The following OPA3 variants were observed in gnomAD, a reference collection of about 807,000 sequenced individuals.
The protein encoded by OPA3 is optic atrophy 3 protein.
OPA3 carries 6 observed loss-of-function variants against 4.0 expected under a neutral mutation model. That is an observed-to-expected ratio of 1.51 (90% CI 0.83 to 2.99). The LOEUF (loss-of-function observed/expected upper bound fraction) is 2.99. Ranked by LOEUF, OPA3 falls within the 30% of genes most tolerant of loss-of-function variation. OPA3 has a pLI of 0.00. For missense variants in OPA3, 235 were observed against 256.2 expected, an observed-to-expected ratio of 0.92 and a Z score of 0.56; for synonymous variants, 105 against 117.1, an observed-to-expected ratio of 0.90 and a Z score of 0.67.
exon 2 of OPA3, chr19:45,528,913 G>A (rs1240600346): frequency 2.0e-6 from 2 of 998,736 alleles, no homozygotes; most frequent in Non-Finnish European, 2.9e-6. Context: ...ATCAGCTCCA[G>A]CCCAGGATCT....
Position 45,552,065 on chromosome 19 carries a change from G to A in OPA3, c.*1449C>T. On this transcript the variant is annotated 3_prime_UTR_variant, in exon 2 of 2. Coordinates refer to ENST00000263275, the MANE Select transcript of OPA3 (RefSeq NM_025136.4). ...ATTTCCCACCACGGAAAGGGGGGTT[G>A]GAGGACATTCACAGAAAAGATCCTG... is the stretch of plus-strand genomic sequence containing the variant. 1.0e-6 allele frequency: 1 copy of A among 985,506 alleles called. No individual in the cohort carries two copies. 61.0% of individuals were successfully genotyped at this position (985,506 alleles called of 1,614,324 possible).
At chr19:45,543,481 T>C (rs1383557628), downstream of OPA3, among the ~76,000 whole-genome samples, 1 of 151,856 alleles carries the variant, frequency 6.6e-6, no homozygotes, top group Non-Finnish European at 1.5e-5. Context: ...CCACCACGCC[T>C]AATTTTTGCA....
Position 45,549,815 on chromosome 19 carries a change from G to A in OPA3, c.*3699C>T, listed in dbSNP as rs993407622. 6 of 985,300 alleles carry A rather than the reference G, an allele frequency of 6.1e-6. No homozygotes were observed. The highest frequency in any genetic ancestry group is 3.5e-5 in the African/African-American group (2 of 57,186). 61.0% of individuals were successfully genotyped at this position (985,300 alleles called of 1,614,324 possible). ...AACACAGCCCACTCAGGACCCACTCGGTCAGTTCCCTCTGCTCCAGCTTCT... is the reference window on the plus strand; with the variant it reads ...AACACAGCCCACTCAGGACCCACTCAGTCAGTTCCCTCTGCTCCAGCTTCT... On this transcript the variant is annotated 3_prime_UTR_variant, in exon 2 of 2. Coordinates refer to ENST00000263275, the MANE Select transcript of OPA3 (RefSeq NM_025136.4).
At position 45,580,600 on chromosome 19, in the gene OPA3, C is replaced by CTATTTATTTATTTATT. The variant is rs71173184; in HGVS notation, c.142+4007_142+4022dup. Among the ~76,000 whole-genome samples the CTATTTATTTATTTATT allele has an allele frequency of 1.7e-4, 23 of 137,722 alleles. No homozygotes were observed. The East Asian group carries it at 2.8e-3, about 17-fold the overall frequency. The allele number at this position is 137,722 out of a possible 152,430, so 90.4% of individuals were successfully genotyped here. A position where few individuals can be genotyped will look rare whatever the true frequency, so the allele number is the denominator to read the frequency against. ...GAGGCACCGCGCCCAGCACAGAAGC[C>CTATTTATTTATTTATT]TATTTATTTATTTATTTATTTATTT... is the stretch of plus-strand genomic sequence containing the variant. On this transcript the variant is annotated intron_variant, in intron 1 of 1. Coordinates refer to ENST00000263275, the MANE Select transcript of OPA3 (RefSeq NM_025136.4).
chr19:45,530,179 C>T (rs939727715), intron 1 of OPA3, among the ~76,000 whole-genome samples: 8 of 152,206 alleles, frequency 5.3e-5, no homozygotes, highest in Non-Finnish European at 1.0e-4. Flanking sequence ...GACGGTGAAA[C>T]CCCGTCTCTA....
chr19:45,537,410 A>AAAACAAG (rs1969132062), intron 1 of OPA3, among the ~76,000 whole-genome samples: 3 of 120,060 alleles, frequency 2.5e-5, no homozygotes, highest in Admixed American at 9.1e-5. Flanking sequence ...AAAAAAAAAA[A>AAAACAAG]AAAAAAAAAA....
intron 1 of OPA3, among the ~76,000 whole-genome samples, chr19:45,575,809 T>C (rs111244703): frequency 2.6e-5 from 4 of 152,286 alleles, no homozygotes; most frequent in African/African-American, 9.6e-5. Flanking sequence ...TCTCGCTTTG[T>C]TGCCCAGGCT....
intron 1 of OPA3, among the ~76,000 whole-genome samples, chr19:45,560,533 T>C (rs142806462): frequency 1.3e-5 from 2 of 152,280 alleles, no homozygotes; most frequent in African/African-American, 4.8e-5. Flanking sequence ...GCTTTTGGTG[T>C]TATCTGTCCC....
intron 1 of OPA3, among the ~76,000 whole-genome samples, chr19:45,562,190 A>G (rs1405272827): frequency 6.6e-6 from 1 of 151,034 alleles, no homozygotes; most frequent in Non-Finnish European, 1.5e-5. Context: ...TCTACTAAAA[A>G]TAAAAAATTA....
chr19:45,538,448 G>A (rs574206471), intron 1 of OPA3, among the ~76,000 whole-genome samples: 6 of 152,210 alleles, frequency 3.9e-5, no homozygotes, highest in African/African-American at 7.2e-5. Flanking sequence ...GGCCAGGCAC[G>A]GTGTCTTACA....
rs1052292916 is a variant in OPA3, at chr19:45,566,414, G to C, written c.143-12503C>G. ...ATAATACCCGCCTTGGAGTCCCAAT[G>C]AGCTGGGATTACAGGAGTGAGCCAC... On this transcript the variant is annotated intron_variant, in intron 1 of 1. Transcript: ENST00000263275. 2.7e-5 allele frequency among the ~76,000 whole-genome samples: 4 copies of C among 150,710 alleles called. No homozygotes were observed. In the South Asian group the frequency reaches 8.4e-4, roughly 32 times the overall value.
chr19:45,549,883 C>A lies in OPA3; in HGVS notation c.*3631G>T, dbSNP rs1434142179. The A allele has an allele frequency of 1.0e-6, 1 of 985,134 alleles. No homozygotes were observed. The highest frequency in any genetic ancestry group is 1.7e-5 in the African/African-American group (1 of 57,240). The allele number at this position is 985,134 out of a possible 1,614,324, so 61.0% of individuals were successfully genotyped here. On this transcript the variant is annotated 3_prime_UTR_variant, in exon 2 of 2. Transcript: ENST00000263275. ...AACTGAAATGCTGTTTCAGGCCAGG[C>A]GCGGTGGCTCACGCCTGTAATCCCA...
chr19:45,549,219 A>T lies in OPA3; in HGVS notation c.*4295T>A. ...TTACAAGGTACACAGAATTCTAGCT[A>T]GCAGAACACACGAGCAGTGAACCAT... On this transcript the variant is annotated 3_prime_UTR_variant, in exon 2 of 2. Coordinates refer to ENST00000263275, the MANE Select transcript of OPA3 (RefSeq NM_025136.4). 1.0e-6 allele frequency: 1 copy of T among 985,422 alleles called. No homozygotes were observed. Among genetic ancestry groups the T allele is most frequent in the Non-Finnish European group, 1.2e-6 (1 of 829,930 alleles). 61.0% of individuals were successfully genotyped at this position (985,422 alleles called of 1,614,324 possible).
rs746276271 is a variant in OPA3 at position 45,553,476 on chromosome 19, T to C, written c.*38A>G. 1.4e-5 allele frequency: 22 copies of C among 1,610,838 alleles called. No homozygotes were observed. Among genetic ancestry groups the C allele is most frequent in the South Asian group, 1.1e-4 (10 of 91,082 alleles). On this transcript the variant is annotated 3_prime_UTR_variant, in exon 2 of 2. Transcript: ENST00000263275. Reference sequence around the variant, plus strand: ...CGGGAAGAAGGCCACGTTAGGTACATAGGCCATGTCCAAATTCAGGTTCCA... The same window carrying C: ...CGGGAAGAAGGCCACGTTAGGTACACAGGCCATGTCCAAATTCAGGTTCCA...
chr19:45,584,646 T>C lies in OPA3; in HGVS notation c.119A>G (p.Tyr40Cys), dbSNP rs1969905681. The C allele has an allele frequency of 1.9e-6, 3 of 1,614,030 alleles. No homozygotes were observed. The highest frequency in any genetic ancestry group is 1.7e-6 in the Non-Finnish European group (2 of 1,180,036). ...AARRSEFFKT[Y>C]ICLPPAQLYH... ...ACGTTGAGCCGGCGGGAGGCAGATATAGGTCTTGAAGAACTCGCTTCGGCG... is the reference window on the plus strand; with the variant it reads ...ACGTTGAGCCGGCGGGAGGCAGATACAGGTCTTGAAGAACTCGCTTCGGCG... Residue 40 changes from tyrosine (Y) to cysteine (C), a missense_variant, in exon 1 of 2, where the codon TAT (tyrosine) becomes TGT (cysteine). Physicochemically the swap from Tyr to Cys is radical, Grantham distance 194. Transcript: ENST00000263275.
chr19:45,555,987 C>T lies in OPA3; in HGVS notation c.143-2076G>A, dbSNP rs538804833. On this transcript the variant is annotated intron_variant, in intron 1 of 1. Coordinates refer to ENST00000263275, the MANE Select transcript of OPA3 (RefSeq NM_025136.4). ...GTAGGCATCAAATCATTATTGTATG[C>T]GAACTGCAATAAATATGAAGGGAAG... Among the ~76,000 whole-genome samples the T allele has an allele frequency of 2.6e-3, 402 of 151,900 alleles. 7 individuals carry two copies. Among genetic ancestry groups the T allele is most frequent in the African/African-American group, 1.7e-3 (72 of 41,410 alleles).
exon 2 of OPA3, chr19:45,529,046 C>G: frequency 6.3e-7 from 1 of 1,598,074 alleles, no homozygotes; most frequent in Non-Finnish European, 8.5e-7. Flanking sequence ...GACCAGGGCC[C>G]CGAGACCTCC....
At chr19:45,556,997 G>A (rs77519364) in intron 1 of OPA3, among the ~76,000 whole-genome samples, 2,375 of 152,276 alleles carry the variant, frequency 0.016, 47 homozygotes, top group African/African-American at 0.053. Context: ...AATGACACTC[G>A]CCAGACCTGG....
chr19:45,556,898 C>A (rs1303558108), intron 1 of OPA3, among the ~76,000 whole-genome samples: 2 of 152,166 alleles, frequency 1.3e-5, no homozygotes, highest in African/African-American at 2.4e-5. Context: ...GATCTGGGGT[C>A]CCCCCGGGGC....
Sources: gnomAD v4.1 joint callset for allele counts (sites outside exome capture counted in the v4.1 genomes callset) on GRCh38, gnomAD v4.1.1 for gene constraint, MANE v1.5 for transcripts, NCBI Gene and HGNC (gene_info 2026-07-23, HGNC 2026-07-21) for gene names.